The following CFAP54 variants were observed in gnomAD, a reference collection of about 807,000 sequenced individuals.
The protein encoded by CFAP54 is cilia- and flagella-associated protein 54.
In CFAP54, 290 loss-of-function variants were observed where a neutral mutation model predicts 370.4. The observed-to-expected ratio is 0.78, with a 90% CI of 0.71 to 0.86. The LOEUF (loss-of-function observed/expected upper bound fraction) is 0.86. Ranked by LOEUF, CFAP54 falls within the 40% of genes least tolerant of loss-of-function variation. CFAP54 has a pLI of 0.00. For synonymous variants in CFAP54, 1,206 were observed against 1,236.5 expected (o/e 0.98, Z 0.52); for missense variants, 3,399 against 3,528.7 (o/e 0.96, Z 0.93).
In CFAP54 at chr12:96,781,895, T is replaced by C. The variant is rs557522061; in HGVS notation, c.8282-2822T>C. 2.1e-3 allele frequency among the ~76,000 whole-genome samples: 327 copies of C among 152,178 alleles called. 1 individual carries two copies. Among genetic ancestry groups the C allele is most frequent in the African/African-American group, 7.0e-3 (293 of 41,566 alleles). ...GAACTAACTATTAGAAGAACTAAAGTACAAATGGTTAAAATGCTTGTCTCT... is the reference window on the plus strand; with the variant it reads ...GAACTAACTATTAGAAGAACTAAAGCACAAATGGTTAAAATGCTTGTCTCT... On this transcript the variant is annotated intron_variant, in intron 60 of 67. Transcript: ENST00000524981.
At chr12:96,647,500 A>AAAAAAAAAAAAAAAAAC (rs1565927578) in intron 33 of CFAP54, among the ~76,000 whole-genome samples, 4 of 145,214 alleles carry the variant, frequency 2.8e-5, no homozygotes, top group Non-Finnish European at 6.0e-5. Flanking sequence ...AAAAAAAGAA[A>AAAAAAAAAAAAAAAAAC]TGCCATTGAT....
At chr12:96,761,499 A>AT (rs1251717617) in intron 58 of CFAP54, among the ~76,000 whole-genome samples, 4 of 147,350 alleles carry the variant, frequency 2.7e-5, no homozygotes, top group Admixed American at 6.9e-5. Flanking sequence ...CCAAATTGTC[A>AT]TTTTTTTCTT....
chr12:96,823,359 C>A (rs566162256), intron 65 of CFAP54, among the ~76,000 whole-genome samples: 1 of 152,114 alleles, frequency 6.6e-6, no homozygotes, highest in Non-Finnish European at 1.5e-5. Flanking sequence ...ATCATTATAT[C>A]GCCAATATCT....
intron 62 of CFAP54, among the ~76,000 whole-genome samples, chr12:96,791,851 CT>C (rs112115771): frequency 0.022 from 2,944 of 134,424 alleles, 61 homozygotes; most frequent in East Asian, 0.097. Context: ...ATTTTTTTTT[CT>C]TTTTTTTTTT....
At position 96,684,653 on chromosome 12, in the gene CFAP54, C is replaced by T. The variant is rs763234756; in HGVS notation, c.5722C>T (p.Leu1908Phe). 2.5e-6 allele frequency: 4 copies of T among 1,609,964 alleles called. No homozygotes were observed. The Admixed American group carries it at 6.7e-5, about 27-fold the overall frequency. The part of the protein sequence containing the change: ...SLFLAQTQDV[L>F]QASNQRSLKV... ...TTACTTGATTAAAAATATAGATGTT[C>T]TCCAAGCCAGCAATCAAAGAAGTCT... The change falls in exon 41 of 68, where the codon CTC (leucine) becomes TTC (phenylalanine). Residue 1908 changes from leucine (L) to phenylalanine (F), a missense_variant. Transcript: ENST00000524981.
Position 96,780,478 on chromosome 12 carries a change from A to C in CFAP54, c.8282-4239A>C, listed in dbSNP as rs1958570450. On this transcript the variant is annotated intron_variant, in intron 60 of 67. Coordinates refer to ENST00000524981, the MANE Select transcript of CFAP54 (RefSeq NM_001306084.2). ...TACATCTCTCATAAATCAAGTGTCC[A>C]CTATGTGGGGTGAGAGAGAGGAGAG... 2.0e-5 allele frequency among the ~76,000 whole-genome samples: 3 copies of C among 152,126 alleles called. 1 individual carries two copies. Among genetic ancestry groups the C allele is most frequent in the Admixed American group, 2.0e-4 (3 of 15,274 alleles).
intron 60 of CFAP54, 191 bp downstream of exon 60, chr12:96,765,409 TACTC>T (rs3064715): frequency 0.096 from 38,837 of 403,892 alleles, 4,580 homozygotes; most frequent in East Asian, 0.51. Context: ...GTGTACCTGT[TACTC>T]AGTCAGCTGC....
intron 63 of CFAP54, among the ~76,000 whole-genome samples, chr12:96,802,173 C>T (rs909779274): frequency 1.3e-5 from 2 of 152,064 alleles, no homozygotes; most frequent in Admixed American, 6.5e-5. Context: ...CTCTCCTATG[C>T]ATACCTAGAA....
intron 43 of CFAP54, among the ~76,000 whole-genome samples, chr12:96,689,289 T>A (rs969894784): frequency 6.6e-6 from 1 of 152,100 alleles, no homozygotes; most frequent in African/African-American, 2.4e-5. Flanking sequence ...GCCTCATAAG[T>A]GGCTGGGACT....
chr12:96,586,896 G>T (rs1455060461), intron 22 of CFAP54, among the ~76,000 whole-genome samples: 1 of 152,226 alleles, frequency 6.6e-6, no homozygotes, highest in African/African-American at 2.4e-5. Flanking sequence ...ACCATCCACT[G>T]CTGTAACCCA....
intron 50 of CFAP54, among the ~76,000 whole-genome samples, chr12:96,732,042 A>G (rs1004963097): frequency 2.6e-5 from 4 of 152,080 alleles, no homozygotes; most frequent in Admixed American, 6.5e-5. Flanking sequence ...AACCAAAACA[A>G]TATTTTAGGA....
intron 67 of CFAP54, among the ~76,000 whole-genome samples, chr12:96,861,880 T>A (rs1316814861): frequency 1.3e-5 from 2 of 152,214 alleles, no homozygotes; most frequent in African/African-American, 4.8e-5. Context: ...AAATGCCACA[T>A]GTGAATACTT....
intron 66 of CFAP54, among the ~76,000 whole-genome samples, chr12:96,842,185 A>G (rs1959224907): frequency 6.6e-6 from 1 of 152,166 alleles, no homozygotes; most frequent in Non-Finnish European, 1.5e-5. Flanking sequence ...GATAATATAT[A>G]TATTCTTGAT....
In CFAP54 at chr12:96,786,669, C is replaced by G; in HGVS notation, c.8456-6C>G. The stretch of plus-strand genomic sequence containing the variant: ...AACCTAAACTAAGGTATTTTTCTTT[C>G]TTAAGCATCTGCAACACCAGTATCT... On this transcript the variant is annotated splice_region_variant and splice_polypyrimidine_tract_variant and intron_variant, in intron 61 of 67. Coordinates refer to ENST00000524981, the MANE Select transcript of CFAP54 (RefSeq NM_001306084.2). 6.6e-7 allele frequency: 1 copy of G among 1,515,708 alleles called. No homozygotes were observed. The highest frequency in any genetic ancestry group is 8.8e-7 in the Non-Finnish European group (1 of 1,133,674). The allele number at this position is 1,515,708 out of a possible 1,614,324, so 93.9% of individuals were successfully genotyped here. A position where few individuals can be genotyped will look rare whatever the true frequency, so the allele number is the denominator to read the frequency against.
Position 96,649,920 on chromosome 12 carries a change from T to A in CFAP54, c.4720T>A (p.Ser1574Thr). ...TGAAGAATTTTCTACATTTATTAATTCCATAATGAGTGATGAAAATATGTC... is the reference window on the plus strand; with the variant it reads ...TGAAGAATTTTCTACATTTATTAATACCATAATGAGTGATGAAAATATGTC... Reference protein sequence around the residue: ...DAEEFSTFINSIMSDENMSKT... With the variant: ...DAEEFSTFINTIMSDENMSKT... The change falls in exon 35 of 68, where the codon TCC becomes ACC. Residue 1574 changes from serine to threonine, a missense_variant. Ser to Thr is a moderately conservative substitution (Grantham distance 58). Around this residue, in one of 3 missense-constraint regions of CFAP54, gnomAD observed 2,796 missense variants for 2,869.7 expected, o/e 0.97. Coordinates refer to ENST00000524981, the MANE Select transcript of CFAP54 (RefSeq NM_001306084.2). 1.2e-6 allele frequency: 2 copies of A among 1,603,298 alleles called. No individual in the cohort carries two copies. Among genetic ancestry groups the A allele is most frequent in the Admixed American group, 1.7e-5 (1 of 58,334 alleles).
chr12:96,524,378 T>C (rs1258507057), intron 8 of CFAP54, among the ~76,000 whole-genome samples: 1 of 152,018 alleles, frequency 6.6e-6, no homozygotes, highest in Non-Finnish European at 1.5e-5. Flanking sequence ...ATGAAATGAG[T>C]TACATGTAAA....
At chr12:96,669,675 A>AG (rs1957122277) in intron 39 of CFAP54, among the ~76,000 whole-genome samples, 1 of 152,128 alleles carries the variant, frequency 6.6e-6, no homozygotes. Context: ...AAAACTGGAG[A>AG]GGGGCAGGTT....
At position 96,647,965 on chromosome 12, in the gene CFAP54, A is replaced by G. The variant is rs763956251; in HGVS notation, c.4638A>G (p.Ala1546=). Residue 1546 remains alanine, a synonymous_variant, in exon 34 of 68, where the codon GCA becomes GCG. Transcript: ENST00000524981. ...TRKLTVENYK[A]MLDFLLTAKK... is the part of the protein sequence containing the mutation. ...AATTGACTGTAGAAAATTATAAAGC[A>G]ATGCTTGATTTCCTTCTTACAGCCA... 4 of 1,523,762 alleles carry G rather than the reference A, an allele frequency of 2.6e-6. No individual in the cohort carries two copies. In the East Asian group the frequency reaches 9.9e-5, roughly 38 times the overall value. 94.4% of individuals were successfully genotyped at this position (1,523,762 alleles called of 1,614,324 possible).
intron 67 of CFAP54, among the ~76,000 whole-genome samples, chr12:96,874,895 G>T (rs1324790863): frequency 6.6e-6 from 1 of 151,908 alleles, no homozygotes; most frequent in Non-Finnish European, 1.5e-5. Context: ...GGGATTACAG[G>T]CGTGAGCCAC....
Sources: gnomAD v4.1 joint callset for allele counts (sites outside exome capture counted in the v4.1 genomes callset) on GRCh38, gnomAD v4.1.1 for gene constraint, gnomAD v4.1.1 regional missense constraint, MANE v1.5 for transcripts, NCBI Gene and HGNC (gene_info 2026-07-23, HGNC 2026-07-21) for gene names.